CAPZB: variants seen among roughly 807,000 people sequenced by gnomAD.
The protein encoded by CAPZB is capping actin protein of muscle Z-line subunit beta, also known as F-actin-capping protein subunit beta.
Under a neutral mutation model 38.1 loss-of-function variants are expected in CAPZB, and 2 were observed. That is an observed-to-expected ratio of 0.05 (90% CI 0.02 to 0.17). CAPZB has a LOEUF of 0.17. Among genes scored for constraint, CAPZB ranks in the 10% least tolerant of loss-of-function variants. The probability of loss-of-function intolerance (pLI) is 1.00; values close to 1 mark genes in which losing one functional copy is unlikely to be tolerated. For synonymous variants in CAPZB, 107 were observed against 127.4 expected, an observed-to-expected ratio of 0.84 and a Z score of 1.08; for missense variants, 161 against 334.2, an observed-to-expected ratio of 0.48 and a Z score of 4.04.
In CAPZB at chr1:19,357,640, CAA is replaced by C; in HGVS notation, c.330-79_330-78del. The C allele has an allele frequency of 6.7e-7, 1 of 1,485,006 alleles. No individual in the cohort carries two copies. The highest frequency in any genetic ancestry group is 9.3e-7 in the Non-Finnish European group (1 of 1,075,148). 92.0% of individuals were successfully genotyped at this position (1,485,006 alleles called of 1,614,324 possible). A position where few individuals can be genotyped will look rare whatever the true frequency, so the allele number is the denominator to read the frequency against. On this transcript the variant is annotated intron_variant, in intron 4 of 8. Transcript: ENST00000264202. This position sits in a 1 kb window ranked among gnomAD's most constrained non-coding sequence, Gnocchi z 4.3. ...GCCTGGGTCCCAGGCTGCTGCTCAG[CAA>C]AGATTCTGGGATTCAGGGCCCTCCC... is the stretch of plus-strand genomic sequence containing the variant.
At chr1:19,457,742 T>C (rs867412595) in intron 1 of CAPZB, among the ~76,000 whole-genome samples, 4 of 152,188 alleles carry the variant, frequency 2.6e-5, no homozygotes, top group Non-Finnish European at 5.9e-5. Flanking sequence ...CTTGGCAGAA[T>C]TTGTCAAGAG....
At chr1:19,461,060 C>T (rs1004004201) in intron 1 of CAPZB, among the ~76,000 whole-genome samples, 4 of 121,100 alleles carry the variant, frequency 3.3e-5, no homozygotes, top group African/African-American at 1.3e-4. Flanking sequence ...TTCAAGTAGG[C>T]AGAGCAGCTG....
At chr1:19,352,829 G>A (rs2093999204) in intron 6 of CAPZB, among the ~76,000 whole-genome samples, 2 of 152,392 alleles carry the variant, frequency 1.3e-5, no homozygotes, top group Non-Finnish European at 2.9e-5. Flanking sequence ...GATGGAGGCA[G>A]GGCTAGGTGG....
At chr1:19,393,817 T>A (rs894536427) in intron 2 of CAPZB, among the ~76,000 whole-genome samples, 4 of 152,200 alleles carry the variant, frequency 2.6e-5, no homozygotes, top group Non-Finnish European at 4.4e-5. Flanking sequence ...AGATCCGACA[T>A]GTGACCTTTC....
At chr1:19,408,906 G>A (rs2094345294) in intron 2 of CAPZB, among the ~76,000 whole-genome samples, 1 of 152,188 alleles carries the variant, frequency 6.6e-6, no homozygotes, top group African/African-American at 2.4e-5. Flanking sequence ...GTTTCCTGAA[G>A]CAGTTCTCTA....
At chr1:19,392,156 C>T (rs1362554063) in intron 2 of CAPZB, among the ~76,000 whole-genome samples, 1 of 150,850 alleles carries the variant, frequency 6.6e-6, no homozygotes, top group East Asian at 2.0e-4. Context: ...GCACTGTAGC[C>T]TGTGCGACAC....
intron 1 of CAPZB, among the ~76,000 whole-genome samples, chr1:19,470,771 G>A (rs1004815917): frequency 3.3e-5 from 5 of 152,218 alleles, no homozygotes; most frequent in African/African-American, 9.6e-5. Context: ...TTTATATAAA[G>A]TCTAAATCTG....
intron 6 of CAPZB, among the ~76,000 whole-genome samples, chr1:19,347,265 A>C (rs1469911253): frequency 1.3e-5 from 2 of 152,164 alleles, no homozygotes; most frequent in African/African-American, 4.8e-5. Flanking sequence ...AAACTCAGAG[A>C]TCATGAGGAG....
chr1:19,353,627 C>T (rs1038787864), intron 6 of CAPZB, among the ~76,000 whole-genome samples: 6 of 152,178 alleles, frequency 3.9e-5, no homozygotes, highest in African/African-American at 1.4e-4. Flanking sequence ...AACAGCTTCC[C>T]CCTGACCACC....
intron 2 of CAPZB, among the ~76,000 whole-genome samples, chr1:19,389,261 G>A (rs933615361): frequency 3.9e-5 from 6 of 152,036 alleles, no homozygotes; most frequent in Admixed American, 6.5e-5. Flanking sequence ...ACAACCACAC[G>A]GTCCCATTCA....
At chr1:19,348,037 G>C (rs2093971435) in intron 6 of CAPZB, among the ~76,000 whole-genome samples, 1 of 152,186 alleles carries the variant, frequency 6.6e-6, no homozygotes, top group Non-Finnish European at 1.5e-5. Flanking sequence ...ATAATTTCAA[G>C]TTTGACAAGG....
At chr1:19,476,570 G>T (rs947671139) in intron 1 of CAPZB, among the ~76,000 whole-genome samples, 1 of 152,206 alleles carries the variant, frequency 6.6e-6, no homozygotes, top group African/African-American at 2.4e-5. Context: ...GAGGGCTGTC[G>T]CAATGATTAA....
At chr1:19,484,244 C>G in intron 1 of CAPZB, 1 of 1,612,564 alleles carries the variant, frequency 6.2e-7, no homozygotes, top group Non-Finnish European at 8.5e-7. Flanking sequence ...GCTGACAGTT[C>G]AGAGGGAAGG....
At chr1:19,388,173 C>T (rs2094213662) in intron 2 of CAPZB, among the ~76,000 whole-genome samples, 1 of 152,228 alleles carries the variant, frequency 6.6e-6, no homozygotes, top group Non-Finnish European at 1.5e-5. Flanking sequence ...TACTCCTATC[C>T]AAGAGATTCA....
At chr1:19,472,040 TGGGCCA>T (rs2094590422) in intron 1 of CAPZB, among the ~76,000 whole-genome samples, 1 of 151,942 alleles carries the variant, frequency 6.6e-6, no homozygotes, top group Non-Finnish European at 1.5e-5. Flanking sequence ...TCAGAAACCA[TGGGCCA>T]TCAGCACACA....
intron 4 of CAPZB, among the ~76,000 whole-genome samples, chr1:19,363,260 A>ATTTTTTTTTTT (rs10641267): frequency 3.2e-5 from 4 of 123,126 alleles, no homozygotes; most frequent in Non-Finnish European, 4.9e-5. Flanking sequence ...TAAAAAAAAA[A>ATTTTTTTTTTT]TTTTTTTTTT....
At chr1:19,448,347 G>A (rs755470234) in intron 1 of CAPZB, among the ~76,000 whole-genome samples, 3 of 152,198 alleles carry the variant, frequency 2.0e-5, no homozygotes, top group African/African-American at 7.2e-5. Flanking sequence ...CCTTTCGGGA[G>A]AGCATTTGAT....
intron 2 of CAPZB, among the ~76,000 whole-genome samples, chr1:19,388,860 A>G (rs2094217343): frequency 6.6e-6 from 1 of 152,242 alleles, no homozygotes; most frequent in Admixed American, 6.5e-5. Flanking sequence ...CCAGTATGCC[A>G]GGTACTAACC....
At chr1:19,468,110 A>AGGGGGCTAGGCACTGAC in intron 1 of CAPZB, among the ~76,000 whole-genome samples, 1 of 152,348 alleles carries the variant, frequency 6.6e-6, no homozygotes, top group East Asian at 1.9e-4. Context: ...CTCCTAAAAA[A>AGGGGGCTAGGCACTGAC]GGGGGCTAGG....
Sources: gnomAD v4.1 joint callset for allele counts (sites outside exome capture counted in the v4.1 genomes callset) on GRCh38, gnomAD v4.1.1 for gene constraint, Gnocchi (gnomAD v3.1) non-coding constraint, MANE v1.5 for transcripts, NCBI Gene and HGNC (gene_info 2026-07-23, HGNC 2026-07-21) for gene names.